KDM4B: variants seen among roughly 807,000 people sequenced by gnomAD.
The protein encoded by KDM4B is lysine demethylase 4B.
In KDM4B, 32 loss-of-function variants were observed where a neutral mutation model predicts 125.2. The observed-to-expected ratio is 0.26, with a 90% CI of 0.19 to 0.34. KDM4B has a LOEUF of 0.34. KDM4B is among the 10% of genes least tolerant of loss of function. The pLI is 1.00. For synonymous variants in KDM4B, 721 were observed against 677.9 expected, an observed-to-expected ratio of 1.06 and a Z score of -0.99; for missense variants, 1,190 against 1,577.7, an observed-to-expected ratio of 0.75 and a Z score of 4.16.
chr19:5,119,703 A>C lies in KDM4B; in HGVS notation c.1166A>C (p.Lys389Thr). The C allele has an allele frequency of 6.4e-7, 1 of 1,554,828 alleles. No homozygotes were observed. The highest frequency in any genetic ancestry group is 8.7e-7 in the Non-Finnish European group (1 of 1,148,872). Residue 389 changes from lysine to threonine, a missense_variant, in exon 11 of 23, where the codon AAG becomes ACG. By Grantham distance (78) the Lys-to-Thr change is moderately conservative (BLOSUM62 -1). Coordinates refer to ENST00000159111, the MANE Select transcript of KDM4B (RefSeq NM_015015.3). Reference sequence around the variant, plus strand: ...AAGAAGCCGAAGCCCGAAGACCCCAAGTTCCCTGGGGAGGGTACGGCTGGG... The same window carrying C: ...AAGAAGCCGAAGCCCGAAGACCCCACGTTCCCTGGGGAGGGTACGGCTGGG... The part of the protein sequence containing the change: ...QPKKPKPEDP[K>T]FPGEGTAGAA...
chr19:5,025,453 T>C (rs1352428112), intron 2 of KDM4B, among the ~76,000 whole-genome samples: 3 of 152,246 alleles, frequency 2.0e-5, no homozygotes, highest in Non-Finnish European at 4.4e-5. Context: ...GGGGTACCCA[T>C]GGGGGTTGCA....
chr19:5,040,446 A>G (rs1043560205), intron 4 of KDM4B, among the ~76,000 whole-genome samples: 1 of 152,082 alleles, frequency 6.6e-6, no homozygotes, highest in Non-Finnish European at 1.5e-5. Context: ...ACGTCCATAC[A>G]CAGGCACACA....
chr19:4,973,742 T>G (rs1264582274), intron 1 of KDM4B, among the ~76,000 whole-genome samples: 2 of 151,826 alleles, frequency 1.3e-5, no homozygotes, highest in Non-Finnish European at 2.9e-5. Context: ...GCCTTCCCTG[T>G]TGGGGCGGGG....
Position 5,127,121 on chromosome 19 carries a change from T to C in KDM4B, c.1316-3955T>C, listed in dbSNP as rs191398376. Among the ~76,000 whole-genome samples the C allele has an allele frequency of 5.3e-4, 81 of 152,246 alleles. No homozygotes were observed. In the East Asian group the frequency reaches 0.015, roughly 29 times the overall value. On this transcript the variant is annotated intron_variant, in intron 11 of 22. Coordinates refer to ENST00000159111, the MANE Select transcript of KDM4B (RefSeq NM_015015.3). ...CCTTCCCTCCACCCAAAAAGAGTGC[T>C]AGCAGGGCCTCAGCTGGCTGCCCTC...
chr19:4,977,568 G>A (rs556713113), intron 1 of KDM4B, among the ~76,000 whole-genome samples: 4 of 152,304 alleles, frequency 2.6e-5, no homozygotes, highest in African/African-American at 9.6e-5. Flanking sequence ...GCGTTTTTGC[G>A]GCTGCCCTAG....
At chr19:5,103,916 C>T (rs2038986071) in intron 9 of KDM4B, among the ~76,000 whole-genome samples, 1 of 152,226 alleles carries the variant, frequency 6.6e-6, no homozygotes, top group South Asian at 2.1e-4. Flanking sequence ...ACGGCCACCT[C>T]CTGTAGAACC....
At chr19:4,969,683 C>T (rs1309341324) in intron 1 of KDM4B, among the ~76,000 whole-genome samples, 2 of 151,592 alleles carry the variant, frequency 1.3e-5, no homozygotes, top group East Asian at 3.9e-4. Context: ...CCCTGGGTAA[C>T]CCCCGCCTGC....
intron 9 of KDM4B, among the ~76,000 whole-genome samples, chr19:5,108,985 C>T (rs2039087400): frequency 6.6e-6 from 1 of 152,218 alleles, no homozygotes; most frequent in Non-Finnish European, 1.5e-5. Flanking sequence ...ACTTTGTCCC[C>T]TAGAATCTAG....
chr19:5,009,437 T>A lies in KDM4B; in HGVS notation c.-108-6820T>A, dbSNP rs552246801. Among the ~76,000 whole-genome samples the A allele has an allele frequency of 1.5e-4, 23 of 152,320 alleles. No individual in the cohort carries two copies. The South Asian group carries it at 3.9e-3, about 26-fold the overall frequency. ...CAGTGGGGCCTGGAAGTGGAAGGGA[T>A]GTGGTGGTGTCCACTTGGTTTCTGA... On this transcript the variant is annotated intron_variant, in intron 1 of 22. Coordinates refer to ENST00000159111, the MANE Select transcript of KDM4B (RefSeq NM_015015.3).
At chr19:5,040,625 C>T (rs566670413) in intron 4 of KDM4B, among the ~76,000 whole-genome samples, 24 of 152,212 alleles carry the variant, frequency 1.6e-4, no homozygotes, top group Non-Finnish European at 2.4e-4. Context: ...CAGGCACAGC[C>T]ACGTAGCCTC....
intron 6 of KDM4B, among the ~76,000 whole-genome samples, chr19:5,057,786 C>T (rs1030094793): frequency 2.6e-5 from 4 of 152,178 alleles, no homozygotes; most frequent in South Asian, 2.1e-4. Flanking sequence ...TCCCAATTGG[C>T]GAGGGTGGCC....
intron 18 of KDM4B, among the ~76,000 whole-genome samples, chr19:5,143,262 G>A (rs759276090): frequency 4.0e-5 from 6 of 151,536 alleles, no homozygotes; most frequent in South Asian, 2.1e-4. Context: ...GTTGGAGACC[G>A]CAGTGAGCTA....
In KDM4B at chr19:5,123,714, C is replaced by A. The variant is rs376559152; in HGVS notation, c.1315+3862C>A. On this transcript the variant is annotated intron_variant, in intron 11 of 22. Transcript: ENST00000159111. ...GTTTGGGAAATCCTCAGAAATAATG[C>A]AGACTCCAGCAGGCAAGCTGGGCGC... Among the ~76,000 whole-genome samples the A allele has an allele frequency of 1.5e-4, 23 of 152,324 alleles. No individual in the cohort carries two copies. The South Asian group carries it at 3.3e-3, about 22-fold the overall frequency.
At chr19:5,097,890 C>T (rs1332295854) in intron 9 of KDM4B, among the ~76,000 whole-genome samples, 1 of 152,244 alleles carries the variant, frequency 6.6e-6, no homozygotes, top group Non-Finnish European at 1.5e-5. Flanking sequence ...AACCCTCCTC[C>T]TCCTCAGCTC....
chr19:5,088,038 T>C (rs927185218), intron 9 of KDM4B, among the ~76,000 whole-genome samples: 9 of 152,222 alleles, frequency 5.9e-5, no homozygotes, highest in African/African-American at 2.2e-4. Flanking sequence ...TAGAAGTTCT[T>C]ATCCAACCTG....
At chr19:5,015,173 C>T (rs886286496) in intron 1 of KDM4B, among the ~76,000 whole-genome samples, 5 of 152,120 alleles carry the variant, frequency 3.3e-5, no homozygotes, top group African/African-American at 7.2e-5. Context: ...AGCTCTGAGA[C>T]GAGGGCTCGC....
intron 1 of KDM4B, among the ~76,000 whole-genome samples, chr19:4,994,020 GT>G (rs55641886): frequency 0.31 from 20,994 of 66,862 alleles, 2,056 homozygotes; most frequent in East Asian, 0.52. Flanking sequence ...TTTTCAGCCT[GT>G]TTTTTTTTTT....
Position 5,039,860 on chromosome 19 carries a change from C to G in KDM4B, c.166C>G (p.Pro56Ala). The G allele has an allele frequency of 6.2e-7, 1 of 1,612,784 alleles. No individual in the cohort carries two copies. Among genetic ancestry groups the G allele is most frequent in the Non-Finnish European group, 8.5e-7 (1 of 1,179,802 alleles). ...AKIIPPKEWK[P>A]RQTYDDIDDV... ...GATCATCCCCCCGAAGGAGTGGAAG[C>G]CGCGGCAGACGTATGATGACATCGA... The change falls in exon 4 of 23, where the codon CCG becomes GCG. Residue 56 changes from proline to alanine, a missense_variant. Transcript: ENST00000159111.
At chr19:5,047,694 G>T (rs376315962) in intron 6 of KDM4B, 25 bp downstream of exon 6, 3 of 1,605,754 alleles carry the variant, frequency 1.9e-6, no homozygotes, top group Non-Finnish European at 2.6e-6. Flanking sequence ...TGGCCCTGCC[G>T]CCGGCCGGAC....
Sources: gnomAD v4.1 joint callset for allele counts (sites outside exome capture counted in the v4.1 genomes callset) on GRCh38, gnomAD v4.1.1 for gene constraint, MANE v1.5 for transcripts, NCBI Gene and HGNC (gene_info 2026-07-23, HGNC 2026-07-21) for gene names.